Variants in SEC24B observed in about 807,000 individuals in gnomAD.
The protein encoded by SEC24B is protein transport protein Sec24B.
SEC24B carries 45 observed loss-of-function variants against 142.8 expected under a neutral mutation model. The ratio of observed to expected loss-of-function variants is 0.32; its 90% confidence interval spans 0.25 to 0.40. The LOEUF (loss-of-function observed/expected upper bound fraction) is 0.40, where lower values mean the gene tolerates loss of function less well. Among genes scored for constraint, SEC24B ranks in the 10% least tolerant of loss-of-function variants. The pLI is 1.00. For synonymous variants in SEC24B, 574 were observed against 568.2 expected (o/e 1.01, Z -0.15); for missense variants, 1,409 against 1,526.8 (o/e 0.92, Z 1.29).
intron 1 of SEC24B, among the ~76,000 whole-genome samples, chr4:109,436,313 A>G (rs1460274488): frequency 6.6e-6 from 1 of 152,170 alleles, no homozygotes; most frequent in Non-Finnish European, 1.5e-5. Context: ...ACGTGGTATC[A>G]GCATGTAGTA....
chr4:109,434,176 G>A (rs1728149932), intron 1 of SEC24B, among the ~76,000 whole-genome samples, 174 bp downstream of exon 1: 2 of 151,294 alleles, frequency 1.3e-5, no homozygotes, highest in South Asian at 4.1e-4. Context: ...GTGCGGGTAG[G>A]GGGCAGGGAA....
chr4:109,466,501 T>C (rs28521972), intron 2 of SEC24B, among the ~76,000 whole-genome samples: 44,626 of 152,134 alleles, frequency 0.29, 11,521 homozygotes, highest in African/African-American at 0.7. Flanking sequence ...AGCTCCGCCT[T>C]CCAGGTTCAT....
chr4:109,519,024 C>T (rs1214744663), intron 11 of SEC24B, among the ~76,000 whole-genome samples: 1 of 152,036 alleles, frequency 6.6e-6, no homozygotes, highest in Non-Finnish European at 1.5e-5. Flanking sequence ...CCAGGCTGAT[C>T]TCGAACTCCT....
chr4:109,534,372 G>A (rs1725269602), intron 22 of SEC24B, among the ~76,000 whole-genome samples: 1 of 151,874 alleles, frequency 6.6e-6, no homozygotes, highest in African/African-American at 2.4e-5. Context: ...AGATCACAAA[G>A]TCAGGAGATT....
intron 4 of SEC24B, among the ~76,000 whole-genome samples, chr4:109,483,510 T>G (rs1041261101): frequency 6.6e-6 from 1 of 152,068 alleles, no homozygotes; most frequent in Non-Finnish European, 1.5e-5. Flanking sequence ...TTTGAAGCAT[T>G]TAAGATTTTG....
intron 7 of SEC24B, among the ~76,000 whole-genome samples, chr4:109,508,272 T>C (rs1187005236): frequency 1.3e-5 from 2 of 152,060 alleles, no homozygotes; most frequent in African/African-American, 2.4e-5. Context: ...CGTAGGTAAA[T>C]GTAGCGTATG....
Position 109,463,655 on chromosome 4 carries a change from T to C in SEC24B, c.877+11T>C. 1 of 1,602,040 alleles carries C rather than the reference T, an allele frequency of 6.2e-7. No homozygotes were observed. Among genetic ancestry groups the C allele is most frequent in the Non-Finnish European group, 8.5e-7 (1 of 1,172,306 alleles). On this transcript the variant is annotated intron_variant, in intron 2 of 23. Coordinates refer to ENST00000265175, the MANE Select transcript of SEC24B (RefSeq NM_006323.5). Reference sequence around the variant, plus strand: ...ACCCAACCATTACTGGTAGGTTGAATGAAAAGTTCACCAAAACATGTTTGA... The same window carrying C: ...ACCCAACCATTACTGGTAGGTTGAACGAAAAGTTCACCAAAACATGTTTGA...
rs186531334 is a variant in SEC24B, at chr4:109,522,694, C to T, written c.2508+1068C>T. ...AAAGCATAAATCACCAATAATCTAA[C>T]GATACTAGCATTTAGTTATACAAAC... On this transcript the variant is annotated intron_variant, in intron 14 of 23. Transcript: ENST00000265175. Among the ~76,000 whole-genome samples the T allele has an allele frequency of 4.8e-3, 734 of 152,174 alleles. 4 individuals are homozygous for T. Among genetic ancestry groups the T allele is most frequent in the African/African-American group, 0.017 (712 of 41,516 alleles).
intron 17 of SEC24B, 118 bp downstream of exon 17, chr4:109,526,517 T>G (rs1724243541): frequency 4.5e-6 from 3 of 669,518 alleles, no homozygotes; most frequent in Non-Finnish European, 7.1e-6. Flanking sequence ...GGAATTTGTA[T>G]TAGTTAATCA....
intron 11 of SEC24B, among the ~76,000 whole-genome samples, chr4:109,518,643 T>C (rs1476188026): frequency 1.3e-5 from 2 of 152,166 alleles, no homozygotes; most frequent in African/African-American, 2.4e-5. Context: ...TTTTGGTGTT[T>C]GTTACTAAGA....
In SEC24B at chr4:109,530,398, C is replaced by G; in HGVS notation, c.3186C>G (p.His1062Gln). 6.2e-7 allele frequency: 1 copy of G among 1,614,154 alleles called. No individual in the cohort carries two copies. Among genetic ancestry groups the G allele is most frequent in the Non-Finnish European group, 8.5e-7 (1 of 1,180,012 alleles). The change falls in exon 19 of 24, where the codon CAC becomes CAG. Residue 1062 changes from histidine to glutamine, a missense_variant. By Grantham distance (24) the His-to-Gln change is conservative. Coordinates refer to ENST00000265175, the MANE Select transcript of SEC24B (RefSeq NM_006323.5). ...AYGSTVSNLQ[H>Q]SALMAPSSLK... ...GCTCAACTGTCTCAAATTTACAGCA[C>G]TCTGCATTGATGGCGCCCAGCTCCC...
chr4:109,529,161 T>C (rs1049423293), intron 18 of SEC24B, among the ~76,000 whole-genome samples: 1 of 151,802 alleles, frequency 6.6e-6, no homozygotes, highest in African/African-American at 2.4e-5. Context: ...AGACTCTGTC[T>C]CGGGGGTGGG....
intron 4 of SEC24B, among the ~76,000 whole-genome samples, chr4:109,485,808 T>C (rs1719239284): frequency 6.6e-6 from 1 of 152,250 alleles, no homozygotes; most frequent in Admixed American, 6.5e-5. Context: ...GCTCTACTTC[T>C]TAAGCATTTC....
chr4:109,451,963 A>C (rs1730140478), intron 1 of SEC24B, among the ~76,000 whole-genome samples: 1 of 152,080 alleles, frequency 6.6e-6, no homozygotes, highest in African/African-American at 2.4e-5. Context: ...ATTTACCTAT[A>C]GTATATTTCC....
intron 12 of SEC24B, 105 bp downstream of exon 12, chr4:109,520,589 C>T: frequency 4.0e-6 from 3 of 750,974 alleles, no homozygotes; most frequent in Non-Finnish European, 7.1e-6. Context: ...TAATGTCATG[C>T]ACTTTAGTAT....
chr4:109,450,585 G>T (rs1161207350), intron 1 of SEC24B, among the ~76,000 whole-genome samples: 2 of 151,146 alleles, frequency 1.3e-5, no homozygotes, highest in East Asian at 2.0e-4. Flanking sequence ...TTGAACCCAG[G>T]GGGTGGAGGT....
Position 109,494,729 on chromosome 4 carries a change from A to G in SEC24B, c.1361A>G (p.Lys454Arg), listed in dbSNP as rs774354845. 4.3e-6 allele frequency: 7 copies of G among 1,614,086 alleles called. No individual in the cohort carries two copies. In the African/African-American group the frequency reaches 9.3e-5, roughly 22 times the overall value. Residue 454 changes from lysine to arginine, a missense_variant, in exon 6 of 24, where the codon AAA (lysine) becomes AGA (arginine). Lys to Arg is a conservative substitution (Grantham distance 26). Around this residue, in one of 2 missense-constraint regions of SEC24B, gnomAD observed 709 missense variants for 673.5 expected, o/e 1.05. Transcript: ENST00000265175. ...APAPVVPQPS[K>R]MAKPFGYGYP... ...GCTCCTGTCGTCCCTCAGCCTTCAA[A>G]AATGGCTAAGCCTTTTGGCTATGGC...
At chr4:109,473,845 A>G (rs1288330107) in intron 3 of SEC24B, among the ~76,000 whole-genome samples, 3 of 152,136 alleles carry the variant, frequency 2.0e-5, no homozygotes, top group Non-Finnish European at 4.4e-5. Flanking sequence ...AGGTTAATAT[A>G]TGGCATTTTT....
chr4:109,534,178 CAGT>C lies in SEC24B; in HGVS notation c.3588+498_3588+500del, dbSNP rs1269208543. Among the ~76,000 whole-genome samples, 8 of 151,946 alleles carry C rather than the reference CAGT, an allele frequency of 5.3e-5. No homozygotes were observed. In the East Asian group the frequency reaches 1.5e-3, roughly 29 times the overall value. On this transcript the variant is annotated intron_variant, in intron 22 of 23. Transcript: ENST00000265175. The stretch of plus-strand genomic sequence containing the variant: ...CCACTTTAGCCTCCTGAGTAGGAAT[CAGT>C]AGTAACCTTACTCCTTATGTCAAAA...
Sources: gnomAD v4.1 joint callset for allele counts (sites outside exome capture counted in the v4.1 genomes callset) on GRCh38, gnomAD v4.1.1 for gene constraint, gnomAD v4.1.1 regional missense constraint, MANE v1.5 for transcripts, NCBI Gene and HGNC (gene_info 2026-07-23, HGNC 2026-07-21) for gene names.